Variants in ATG5 observed in about 807,000 individuals in gnomAD.
ATG5 encodes autophagy protein 5.
ATG5 carries 14 observed loss-of-function variants against 36.5 expected under a neutral mutation model. The ratio of observed to expected loss-of-function variants is 0.38; its 90% CI spans 0.25 to 0.60. ATG5 has a LOEUF of 0.60. ATG5 is among the 20% of genes least tolerant of loss of function. The pLI, the probability that ATG5 is intolerant of heterozygous loss-of-function variation, is 0.60. For missense variants in ATG5, 195 were observed against 326.7 expected (o/e 0.60, Z 3.11); for synonymous variants, 95 against 101.5 (o/e 0.94, Z 0.38).
In ATG5 at chr6:106,185,052, T is replaced by C. The variant is rs1033417548; in HGVS notation, c.*1488A>G. The C allele has an allele frequency of 3.9e-5, 6 of 152,452 alleles. No individual in the cohort carries two copies. The highest frequency in any genetic ancestry group is 1.4e-4 in the African/African-American group (6 of 41,470). 9.4% of individuals were successfully genotyped at this position (152,452 alleles called of 1,614,324 possible). ...CAACCAATTATTTTCTACTTGCTTC[T>C]AAGTTTCTGAGATTGTATGCTGTAC... On this transcript the variant is annotated 3_prime_UTR_variant, in exon 8 of 8. Transcript: ENST00000369076.
rs539005722 is a variant in ATG5, at chr6:106,311,832, C to CTT, written c.109-3343_109-3342dup. ...TACTACTGTGCAATTTGATCTCCTT[C>CTT]TTTTTTTTTTTTTTTGAGATGGAGT... On this transcript the variant is annotated intron_variant, in intron 2 of 7. Transcript: ENST00000369076. 1.2e-3 allele frequency among the ~76,000 whole-genome samples: 165 copies of CTT among 141,416 alleles called. 1 individual carries two copies. Among genetic ancestry groups the CTT allele is most frequent in the Non-Finnish European group, 1.5e-3 (95 of 64,478 alleles). The allele number at this position is 141,416 out of a possible 152,430, so 92.8% of individuals were successfully genotyped here. A position where few individuals can be genotyped will look rare whatever the true frequency, so the allele number is the denominator to read the frequency against.
intron 5 of ATG5, among the ~76,000 whole-genome samples, chr6:106,275,408 A>C (rs1779602874): frequency 6.6e-6 from 1 of 151,540 alleles, no homozygotes; most frequent in Non-Finnish European, 1.5e-5. Context: ...CTCTCACAAG[A>C]CTACTCAGTC....
At chr6:106,210,340 C>G (rs935305534) in intron 6 of ATG5, among the ~76,000 whole-genome samples, 1 of 152,012 alleles carries the variant, frequency 6.6e-6, no homozygotes, top group Non-Finnish European at 1.5e-5. Context: ...TATAACAGAG[C>G]AAAGGTAATT....
chr6:106,244,830 C>A (rs1562233589), intron 6 of ATG5, among the ~76,000 whole-genome samples: 1 of 152,164 alleles, frequency 6.6e-6, no homozygotes, highest in Non-Finnish European at 1.5e-5. Flanking sequence ...TTTTCTTACC[C>A]AAAGTATAAT....
At chr6:106,319,023 C>T (rs575034429) in intron 1 of ATG5, among the ~76,000 whole-genome samples, 3 of 152,312 alleles carry the variant, frequency 2.0e-5, no homozygotes, top group South Asian at 4.1e-4. Context: ...TGGAGCCAGA[C>T]TGTCTGGAGC....
intron 5 of ATG5, among the ~76,000 whole-genome samples, chr6:106,277,057 G>T (rs1214284337): frequency 1.3e-5 from 2 of 151,934 alleles, no homozygotes; most frequent in Non-Finnish European, 2.9e-5. Flanking sequence ...TTAAAACAAA[G>T]AAATGAGAAA....
chr6:106,202,282 A>C, intron 6 of ATG5, 193 bp from the exon 7 acceptor site: 1 of 471,032 alleles, frequency 2.1e-6, no homozygotes, highest in South Asian at 3.4e-5. Context: ...TCTAATTCTG[A>C]GGAAACAGAC....
At chr6:106,309,124 A>G (rs1562268689) in intron 2 of ATG5, among the ~76,000 whole-genome samples, 1 of 152,164 alleles carries the variant, frequency 6.6e-6, no homozygotes, top group Non-Finnish European at 1.5e-5. Context: ...GCAAAAATTT[A>G]TGGTTTTCCT....
rs950301486 is a variant in ATG5, at chr6:106,184,697, G to C, written c.*1843C>G. ...TTCATAAAATTTACTTTCAAATCTA[G>C]ATCAGAAGTTCACTCAAGCCTACTG... is the stretch of plus-strand genomic sequence containing the variant. On this transcript the variant is annotated 3_prime_UTR_variant, in exon 8 of 8. Transcript: ENST00000369076. The C allele has an allele frequency of 6.6e-6, 1 of 152,258 alleles. No individual in the cohort carries two copies. The highest frequency in any genetic ancestry group is 2.4e-5 in the African/African-American group (1 of 41,442). 9.4% of individuals were successfully genotyped at this position (152,258 alleles called of 1,614,324 possible).
At chr6:106,245,790 T>A (rs1389448602) in intron 6 of ATG5, among the ~76,000 whole-genome samples, 1 of 152,206 alleles carries the variant, frequency 6.6e-6, no homozygotes, top group African/African-American at 2.4e-5. Flanking sequence ...TTGTATCTAG[T>A]ATTTTAAAGA....
chr6:106,205,339 A>T (rs1776589536), intron 6 of ATG5, among the ~76,000 whole-genome samples: 1 of 152,236 alleles, frequency 6.6e-6, no homozygotes, highest in South Asian at 2.1e-4. Context: ...AATCTTTTCA[A>T]GAATTTGGAG....
chr6:106,296,809 C>T (rs1769961207), intron 3 of ATG5, among the ~76,000 whole-genome samples: 1 of 152,114 alleles, frequency 6.6e-6, no homozygotes, highest in African/African-American at 2.4e-5. Flanking sequence ...CAGAGGGAGA[C>T]TTGGTCTCAG....
At chr6:106,248,126 G>A (rs1562235484) in intron 6 of ATG5, 24 bp downstream of exon 6, 1 of 1,533,944 alleles carries the variant, frequency 6.5e-7, no homozygotes, top group African/African-American at 1.4e-5. Flanking sequence ...ATAAATGGAT[G>A]TTTTTTAAAA....
At position 106,186,422 on chromosome 6, in the gene ATG5, G is replaced by A; in HGVS notation, c.*118C>T. ...ATGGAATCTTTTTCCTGTCTGGCTT[G>A]CAGCAGCGAAGTGTTTCTGGTCAGG... On this transcript the variant is annotated 3_prime_UTR_variant, in exon 8 of 8. Transcript: ENST00000369076. The A allele has an allele frequency of 8.2e-7, 1 of 1,216,596 alleles. No homozygotes were observed. Among genetic ancestry groups the A allele is most frequent in the Non-Finnish European group, 1.2e-6 (1 of 862,316 alleles). The allele number at this position is 1,216,596 out of a possible 1,614,324, so 75.4% of individuals were successfully genotyped here.
intron 5 of ATG5, among the ~76,000 whole-genome samples, chr6:106,252,567 A>G (rs73775402): frequency 1.3e-5 from 2 of 152,208 alleles, no homozygotes. Flanking sequence ...AACTGCAGGA[A>G]AAAGTGATAA....
intron 6 of ATG5, among the ~76,000 whole-genome samples, chr6:106,205,318 A>G (rs1238653048): frequency 2.0e-5 from 3 of 152,252 alleles, no homozygotes; most frequent in African/African-American, 7.2e-5. Flanking sequence ...TGAAAACAAC[A>G]AAGTCAAAGG....
At chr6:106,197,814 C>A (rs572757813) in intron 7 of ATG5, among the ~76,000 whole-genome samples, 1 of 152,236 alleles carries the variant, frequency 6.6e-6, no homozygotes, top group East Asian at 1.9e-4. Flanking sequence ...ATTACCCAAC[C>A]TCAGGTGTTT....
intron 5 of ATG5, among the ~76,000 whole-genome samples, chr6:106,258,149 TCTC>T (rs915285334): frequency 1.7e-5 from 2 of 115,324 alleles, no homozygotes; most frequent in African/African-American, 6.6e-5. Flanking sequence ...CCACTCCCCA[TCTC>T]CTCAAACGGC....
chr6:106,190,435 G>A (rs754472436), intron 7 of ATG5, among the ~76,000 whole-genome samples: 14 of 152,144 alleles, frequency 9.2e-5, no homozygotes, highest in Non-Finnish European at 1.6e-4. Context: ...TGCTGCATTG[G>A]GGATTAAGCT....
Sources: allele counts gnomAD v4.1 joint callset (sites outside exome capture counted in the v4.1 genomes callset), GRCh38; gene constraint gnomAD v4.1.1; transcripts MANE v1.5; gene names NCBI Gene and HGNC (gene_info 2026-07-23, HGNC 2026-07-21).